The following RPL38 variants were observed in gnomAD, a reference collection of about 807,000 sequenced individuals.
The protein encoded by RPL38 is ribosomal protein L38.
In RPL38, 2 loss-of-function variants were observed where a neutral mutation model predicts 12.8. The ratio of observed to expected loss-of-function variants is 0.16; its 90% CI spans 0.06 to 0.49. The LOEUF (loss-of-function observed/expected upper bound fraction) is 0.49, where lower values mean the gene tolerates loss of function less well. RPL38 is among the 20% of genes least tolerant of loss of function. The pLI, the probability that RPL38 is intolerant of heterozygous loss-of-function variation, is 0.96. For synonymous variants in RPL38, 42 were observed against 30.1 expected (o/e 1.39, Z -1.29); for missense variants, 52 against 79.8 (o/e 0.65, Z 1.33).
At chr17:74,205,076 C>T (rs184446942) in intron 3 of RPL38, 1 of 152,214 alleles carries the variant, frequency 6.6e-6, no homozygotes, top group Admixed American at 6.5e-5. Flanking sequence ...TGTCATAGGT[C>T]TGTTTCCCAG....
intron 4 of RPL38, 62 bp downstream of exon 4, chr17:74,209,371 ATGT>A (rs2050144195): frequency 1.3e-6 from 2 of 1,582,114 alleles, no homozygotes; most frequent in Non-Finnish European, 8.6e-7. Flanking sequence ...GTGTGTGGCC[ATGT>A]TGTATCTTGT....
chr17:74,204,400 A>T, intron 3 of RPL38: 1 of 579,596 alleles, frequency 1.7e-6, no homozygotes. Context: ...ATCTTTAGCT[A>T]ATCGCGATCA....
intron 4 of RPL38, 175 bp from the exon 5 acceptor site, chr17:74,209,602 AAATATAATAGACCAAGTCTTTTTATCG>A (rs1332469471): frequency 1.9e-4 from 119 of 629,294 alleles, no homozygotes; most frequent in African/African-American, 3.3e-4. Flanking sequence ...GGAACAGATG[AAATATAATAGACCAAGTCTTTTTATCG>A]AATATAATAG....
At chr17:74,206,650 C>T (rs1335689532) in intron 3 of RPL38, among the ~76,000 whole-genome samples, 1 of 151,678 alleles carries the variant, frequency 6.6e-6, no homozygotes, top group Admixed American at 6.6e-5. Context: ...CCTTTTGTGA[C>T]TGGCTTCTCT....
intron 3 of RPL38, among the ~76,000 whole-genome samples, chr17:74,207,073 G>A (rs368484120): frequency 5.7e-4 from 87 of 152,076 alleles, no homozygotes; most frequent in African/African-American, 2.0e-3. Context: ...GTGCAGTGGT[G>A]TGATCATGGC....
At chr17:74,206,136 G>C (rs1015397101) in intron 3 of RPL38, 1 of 152,180 alleles carries the variant, frequency 6.6e-6, no homozygotes, top group Admixed American at 6.5e-5. Flanking sequence ...TAAAATGGTT[G>C]TATTAATTTT....
chr17:74,204,273 A>T, intron 3 of RPL38, 83 bp downstream of exon 3: 1 of 1,315,214 alleles, frequency 7.6e-7, no homozygotes, highest in Non-Finnish European at 1.1e-6. Flanking sequence ...AATGTCAGGC[A>T]GGAGACGGTT....
At chr17:74,209,024 T>C (rs1380326277) in intron 3 of RPL38, among the ~76,000 whole-genome samples, 163 bp from the exon 4 acceptor site, 2 of 152,178 alleles carry the variant, frequency 1.3e-5, no homozygotes, top group East Asian at 1.9e-4. Context: ...AAGTCCCAAG[T>C]TGGAGGAACG....
chr17:74,206,483 G>A (rs2382838), intron 3 of RPL38, among the ~76,000 whole-genome samples: 30,014 of 151,870 alleles, frequency 0.2, 7,696 homozygotes, highest in African/African-American at 0.6. Context: ...CACCATCACC[G>A]CCCATCTCCA....
At position 74,203,912 on chromosome 17, in the gene RPL38, C is replaced by G. The variant is rs762556515; in HGVS notation, c.-38-6C>G. On this transcript the variant is annotated splice_region_variant and splice_polypyrimidine_tract_variant and intron_variant, in intron 1 of 4. Coordinates refer to ENST00000311111, the MANE Select transcript of RPL38 (RefSeq NM_000999.4). ...CCGTGTTAACGCCGAGGACTGTTTCCCGCAGGTCCTGGTCCGCGCCAGAGC... is the reference window on the plus strand; with the variant it reads ...CCGTGTTAACGCCGAGGACTGTTTCGCGCAGGTCCTGGTCCGCGCCAGAGC... 1 of 1,586,882 alleles carries G rather than the reference C, an allele frequency of 6.3e-7. No individual in the cohort carries two copies. Among genetic ancestry groups the G allele is most frequent in the Non-Finnish European group, 8.6e-7 (1 of 1,163,600 alleles).
intron 3 of RPL38, among the ~76,000 whole-genome samples, chr17:74,207,734 G>A (rs1389973962): frequency 2.0e-5 from 3 of 151,938 alleles, no homozygotes; most frequent in East Asian, 1.9e-4. Context: ...TCGAACTCCC[G>A]ACCTCAGGTG....
Position 74,209,836 on chromosome 17 carries a change from C to G in RPL38, c.*7C>G, listed in dbSNP as rs1316376761. The G allele has an allele frequency of 4.4e-6, 7 of 1,607,440 alleles. No individual in the cohort carries two copies. The highest frequency in any genetic ancestry group is 2.2e-5 in the East Asian group (1 of 44,852). On this transcript the variant is annotated 3_prime_UTR_variant, in exon 5 of 5. Coordinates refer to ENST00000311111, the MANE Select transcript of RPL38 (RefSeq NM_000999.4). ...AGTGAAGGAACTGAAATGAACCAGA[C>G]ACACTGATTGGAACTGTATTATATT... is the stretch of plus-strand genomic sequence containing the variant.
chr17:74,204,213 C>G (rs752013582), intron 3 of RPL38, 23 bp downstream of exon 3: 4 of 1,612,104 alleles, frequency 2.5e-6, no homozygotes, highest in East Asian at 2.2e-5. Context: ...TCCGAAGGTT[C>G]AAGAAGAGCG....
intron 3 of RPL38, chr17:74,204,485 G>C (rs930145769): frequency 3.7e-5 from 16 of 432,900 alleles, no homozygotes; most frequent in African/African-American, 3.2e-4. Flanking sequence ...TCCACTCCGC[G>C]AAAGCCTCAA....
At chr17:74,205,663 C>T (rs2050106590) in intron 3 of RPL38, 4 of 152,222 alleles carry the variant, frequency 2.6e-5, no homozygotes, top group Admixed American at 2.6e-4. Context: ...AAGCCCAACT[C>T]TACCTGCAGG....
intron 2 of RPL38, 71 bp from the exon 3 acceptor site, chr17:74,204,059 C>T (rs1476333265): frequency 5.0e-6 from 8 of 1,610,418 alleles, no homozygotes; most frequent in Non-Finnish European, 6.8e-6. Flanking sequence ...CCGGGAGAAG[C>T]TGGTGGACTG....
intron 4 of RPL38, 63 bp downstream of exon 4, chr17:74,209,372 T>C: frequency 6.4e-7 from 1 of 1,573,600 alleles, no homozygotes; most frequent in South Asian, 1.2e-5. Flanking sequence ...TGTGTGGCCA[T>C]GTTGTATCTT....
At chr17:74,204,009 C>T (rs770337535) in intron 2 of RPL38, 51 bp downstream of exon 2, 5 of 1,612,416 alleles carry the variant, frequency 3.1e-6, no homozygotes, top group South Asian at 1.1e-5. Context: ...CGTGGGGCCC[C>T]GGGGCGAGGG....
Position 74,209,976 on chromosome 17 carries a change from G to GTTT in RPL38, c.*148_*149insTTT. 2 of 414,244 alleles carry GTTT rather than the reference G, an allele frequency of 4.8e-6. No individual in the cohort carries two copies. Among genetic ancestry groups the GTTT allele is most frequent in the East Asian group, 4.8e-5 (1 of 21,040 alleles). 25.7% of individuals were successfully genotyped at this position (414,244 alleles called of 1,614,324 possible). ...GCGGGTTCTGTTGCTGCCTTCCTGT[G>GTTT]TCTTTTTTTTTTTTTTTTTTTCTTT... On this transcript the variant is annotated 3_prime_UTR_variant, in exon 5 of 5. Coordinates refer to ENST00000311111, the MANE Select transcript of RPL38 (RefSeq NM_000999.4).
Sources: allele counts gnomAD v4.1 joint callset (sites outside exome capture counted in the v4.1 genomes callset), GRCh38; gene constraint gnomAD v4.1.1; transcripts MANE v1.5; gene names NCBI Gene and HGNC (gene_info 2026-07-23, HGNC 2026-07-21).